WDR41: variants seen among roughly 807,000 people sequenced by gnomAD.
WDR41 encodes the protein WD repeat-containing protein 41.
A neutral mutation model predicts 69.3 loss-of-function variants in WDR41; 63 were observed. The observed-to-expected ratio is 0.91, with a 90% CI of 0.74 to 1.12. The LOEUF (loss-of-function observed/expected upper bound fraction) is 1.12. WDR41 is among the 50% of genes most tolerant of loss of function. The pLI, the probability that WDR41 is intolerant of heterozygous loss-of-function variation, is 0.00. For synonymous variants in WDR41, 185 were observed against 192.1 expected (o/e 0.96, Z 0.31); for missense variants, 543 against 534.5 (o/e 1.02, Z -0.16).
intron 1 of WDR41, among the ~76,000 whole-genome samples, chr5:77,598,539 G>A (rs1222395076): frequency 6.6e-6 from 1 of 152,052 alleles, no homozygotes; most frequent in African/African-American, 2.4e-5. Flanking sequence ...TCAGAGGTGA[G>A]AGACAAAGAA....
In WDR41 at chr5:77,437,471, G is replaced by A. The variant is rs1328836900; in HGVS notation, c.1005-47C>T. 2.0e-6 allele frequency: 3 copies of A among 1,500,856 alleles called. No homozygotes were observed. The Admixed American group carries it at 5.1e-5, about 25-fold the overall frequency. The allele number at this position is 1,500,856 out of a possible 1,614,324, so 93.0% of individuals were successfully genotyped here. ...AATACAAAAAGAGCGCACCACTGAGGGCCAATGCTAAATTTGCAGTGAAAG... is the reference window on the plus strand; with the variant it reads ...AATACAAAAAGAGCGCACCACTGAGAGCCAATGCTAAATTTGCAGTGAAAG... On this transcript the variant is annotated intron_variant, in intron 10 of 12. Coordinates refer to ENST00000296679, the MANE Select transcript of WDR41 (RefSeq NM_018268.4).
intron 1 of WDR41, among the ~76,000 whole-genome samples, chr5:77,531,534 C>G (rs187705332): frequency 1.6e-4 from 25 of 151,836 alleles, no homozygotes; most frequent in African/African-American, 5.3e-4. Context: ...AAATAGGAAC[C>G]CTTGTACATT....
chr5:77,594,741 G>C (rs1387017092), intron 1 of WDR41, among the ~76,000 whole-genome samples: 2 of 151,956 alleles, frequency 1.3e-5, no homozygotes, highest in African/African-American at 2.4e-5. Flanking sequence ...TGAGCTACAG[G>C]GGAAAAAAAG....
chr5:77,462,349 C>G (rs1800106340), intron 4 of WDR41, among the ~76,000 whole-genome samples: 1 of 136,886 alleles, frequency 7.3e-6, no homozygotes, highest in African/African-American at 2.8e-5. Context: ...GCAGAGGTTG[C>G]AGTGAGTAAA....
At chr5:77,483,965 T>A (rs1277596923) in intron 2 of WDR41, among the ~76,000 whole-genome samples, 1 of 152,242 alleles carries the variant, frequency 6.6e-6, no homozygotes, top group Non-Finnish European at 1.5e-5. Flanking sequence ...TTTTTAAAGC[T>A]ACATTTGAAA....
intron 5 of WDR41, among the ~76,000 whole-genome samples, chr5:77,454,666 C>CT (rs939304191): frequency 8.5e-5 from 13 of 152,194 alleles, no homozygotes; most frequent in Admixed American, 6.5e-4. Context: ...CCCACTGACT[C>CT]TGAGTCAGAC....
At chr5:77,554,202 T>C (rs1377286220) in intron 1 of WDR41, among the ~76,000 whole-genome samples, 2 of 152,164 alleles carry the variant, frequency 1.3e-5, no homozygotes, top group African/African-American at 2.4e-5. Context: ...CATTATTCCA[T>C]GCATATAAAA....
intron 1 of WDR41, among the ~76,000 whole-genome samples, chr5:77,530,849 T>A (rs751009167): frequency 1.3e-4 from 19 of 151,844 alleles, no homozygotes; most frequent in Non-Finnish European, 2.1e-4. Context: ...TTGAAATGTA[T>A]CAAAAAGGTA....
At position 77,449,881 on chromosome 5, in the gene WDR41, AAGAC is replaced by A. The variant is rs1334390186; in HGVS notation, c.587-15_587-12del. 13 of 1,563,550 alleles carry A rather than the reference AAGAC, an allele frequency of 8.3e-6. No individual in the cohort carries two copies. The East Asian group carries it at 9.0e-5, about 11-fold the overall frequency. ...CCAACCTGAAAATTACTAAATGAAA[AAGAC>A]AGATAAAATTTTATTACAATGCTCT... On this transcript the variant is annotated splice_polypyrimidine_tract_variant and intron_variant, in intron 7 of 12. Coordinates refer to ENST00000296679, the MANE Select transcript of WDR41 (RefSeq NM_018268.4).
chr5:77,438,969 C>T (rs192718632), intron 9 of WDR41, among the ~76,000 whole-genome samples: 6 of 152,330 alleles, frequency 3.9e-5, no homozygotes, highest in African/African-American at 1.4e-4. Context: ...TATCTCACTT[C>T]AGCCTCACAA....
chr5:77,527,212 A>AT (rs200720312), intron 1 of WDR41, among the ~76,000 whole-genome samples: 1 of 151,964 alleles, frequency 6.6e-6, no homozygotes, highest in Admixed American at 6.6e-5. Context: ...GTCAGGCCAG[A>AT]TTTTTAAAAA....
chr5:77,441,556 T>C (rs142612454), intron 8 of WDR41, among the ~76,000 whole-genome samples: 5,832 of 152,190 alleles, frequency 0.038, 121 homozygotes, highest in Middle Eastern at 0.099. Context: ...CTGACCAATA[T>C]GGTGAAACCC....
rs114534221 is a variant in WDR41 at position 77,545,389 on chromosome 5, G to A, written c.43-55817C>T. Reference sequence around the variant, plus strand: ...AAGTCAGCTTCTTCAAGAAAACACCGAGTGACGATGATGCCAGTGCAGCAC... The same window carrying A: ...AAGTCAGCTTCTTCAAGAAAACACCAAGTGACGATGATGCCAGTGCAGCAC... On this transcript the variant is annotated intron_variant, in intron 1 of 5. Coordinates refer to the WDR41 transcript ENST00000509971. 1.5e-3 allele frequency: 232 copies of A among 156,324 alleles called. 3 individuals carry two copies. The highest frequency in any genetic ancestry group is 5.3e-3 in the African/African-American group (222 of 41,644). 9.7% of individuals were successfully genotyped at this position (156,324 alleles called of 1,614,324 possible).
At chr5:77,591,247 T>A (rs941039090) in intron 1 of WDR41, among the ~76,000 whole-genome samples, 3 of 152,112 alleles carry the variant, frequency 2.0e-5, no homozygotes, top group African/African-American at 4.8e-5. Context: ...TCTATAGCAA[T>A]GTCTCATTTT....
intron 1 of WDR41, among the ~76,000 whole-genome samples, chr5:77,514,227 G>A (rs534595479): frequency 5.9e-5 from 9 of 151,776 alleles, no homozygotes; most frequent in South Asian, 2.1e-4. Flanking sequence ...ACCTACATCC[G>A]CACATAATCA....
At chr5:77,539,279 C>T (rs1425929068) in intron 1 of WDR41, among the ~76,000 whole-genome samples, 1 of 152,164 alleles carries the variant, frequency 6.6e-6, no homozygotes. Flanking sequence ...TGGAAATTAG[C>T]CTTCTATAAA....
At chr5:77,570,044 A>C (rs1022483525) in intron 1 of WDR41, among the ~76,000 whole-genome samples, 3 of 152,156 alleles carry the variant, frequency 2.0e-5, no homozygotes, top group African/African-American at 7.2e-5. Flanking sequence ...ATTTTTTAGA[A>C]ACAAATAAAA....
intron 1 of WDR41, chr5:77,546,322 A>T (rs1212549296): frequency 3.8e-6 from 1 of 263,554 alleles, no homozygotes; most frequent in Non-Finnish European, 7.1e-6. Context: ...AAGATAAATC[A>T]AACAAAAAGC....
intron 1 of WDR41, among the ~76,000 whole-genome samples, chr5:77,617,912 G>T (rs1213468223): frequency 6.6e-6 from 1 of 152,206 alleles, no homozygotes; most frequent in South Asian, 2.1e-4. Context: ...GAGGGCTGAG[G>T]ATATGGAGGC....
Sources: gnomAD v4.1 joint callset for allele counts (sites outside exome capture counted in the v4.1 genomes callset) on GRCh38, gnomAD v4.1.1 for gene constraint, MANE v1.5 for transcripts, NCBI Gene and HGNC (gene_info 2026-07-23, HGNC 2026-07-21) for gene names.